ARF5: variants seen among roughly 807,000 people sequenced by gnomAD.
ARF5 encodes ARF GTPase 5.
Under a neutral mutation model 24.8 loss-of-function variants are expected in ARF5, and 10 were observed. That is an observed-to-expected ratio of 0.40 (90% CI 0.25 to 0.68). ARF5 has a LOEUF of 0.68. Among genes scored for constraint, ARF5 ranks in the 30% least tolerant of loss-of-function variants. The pLI is 0.36. For missense variants in ARF5, 135 were observed against 239.2 expected (o/e 0.56, Z 2.87); for synonymous variants, 102 against 95.1 (o/e 1.07, Z -0.42).
intron 3 of ARF5, 25 bp from the exon 4 acceptor site, chr7:127,590,041 C>T: frequency 6.2e-7 from 1 of 1,608,672 alleles, no homozygotes; most frequent in Non-Finnish European, 8.5e-7. Flanking sequence ...GATTGCTTCT[C>T]CTTTCTTCCT....
intron 4 of ARF5, 118 bp from the exon 5 acceptor site, chr7:127,590,845 A>T: frequency 7.4e-7 from 1 of 1,352,964 alleles, no homozygotes; most frequent in Non-Finnish European, 1.0e-6. Flanking sequence ...CTTGTCTTCA[A>T]CGGCAGACTG....
At position 127,589,217 on chromosome 7, in the gene ARF5, G is replaced by C; in HGVS notation, c.148+54G>C. 5.7e-6 allele frequency: 9 copies of C among 1,590,004 alleles called. No individual in the cohort carries two copies. The South Asian group carries it at 9.9e-5, about 18-fold the overall frequency. ...GAGCGCCGCGGCGGGCCCTCGCGGG[G>C]TCTGCTCCCAGTTCTGCCACTTTTC... On this transcript the variant is annotated intron_variant, in intron 2 of 5. Transcript: ENST00000000233.
Position 127,588,542 on chromosome 7 carries a change from A to G in ARF5, c.44A>G (p.Lys15Arg). ...VSALFSRIFGKKQMRILMVGL... is the reference protein window; with the variant it reads ...VSALFSRIFGRKQMRILMVGL... ...GCGCTCTTTTCGCGGATCTTCGGGA[A>G]GAAGCAGATGCGGATTCTCATGGGT... The change falls in exon 1 of 6, where the codon AAG (lysine) becomes AGG (arginine). Residue 15 changes from lysine to arginine, a missense_variant. Lys to Arg is a conservative substitution (Grantham distance 26). Around this residue, in one of 3 missense-constraint regions of ARF5, gnomAD observed 25 missense variants for 30.6 expected, o/e 0.82. Transcript: ENST00000000233. 1.4e-6 allele frequency: 2 copies of G among 1,464,046 alleles called. No individual in the cohort carries two copies. The highest frequency in any genetic ancestry group is 9.1e-7 in the Non-Finnish European group (1 of 1,095,880). 90.7% of individuals were successfully genotyped at this position (1,464,046 alleles called of 1,614,324 possible). A position where few individuals can be genotyped will look rare whatever the true frequency, so the allele number is the denominator to read the frequency against.
chr7:127,590,828 A>G lies in ARF5; in HGVS notation c.331-135A>G, dbSNP rs149376348. On this transcript the variant is annotated intron_variant, in intron 4 of 5. Transcript: ENST00000000233. ...TCAGGTCACCTCAAGCTCATTTACAACTATGTCTTGTCTTCAACGGCAGAC... is the reference window on the plus strand; with the variant it reads ...TCAGGTCACCTCAAGCTCATTTACAGCTATGTCTTGTCTTCAACGGCAGAC... The G allele has an allele frequency of 2.0e-4, 237 of 1,214,460 alleles. No individual in the cohort carries two copies. In the Middle Eastern group the frequency reaches 6.9e-3, roughly 35 times the overall value. 75.2% of individuals were successfully genotyped at this position (1,214,460 alleles called of 1,614,324 possible).
intron 4 of ARF5, 80 bp downstream of exon 4, chr7:127,590,217 C>A: frequency 8.4e-7 from 1 of 1,185,622 alleles, no homozygotes; most frequent in Non-Finnish European, 1.3e-6. Context: ...AGTCAGGGAG[C>A]CCCCAACAGG....
chr7:127,591,317 C>G lies in ARF5; in HGVS notation c.*18C>G. ...AGCGCTAACCAGCCAGGGGCAGGCC[C>G]CTGATGCCCGGAAGCTCCTGCGTGC... On this transcript the variant is annotated 3_prime_UTR_variant, in exon 6 of 6. Transcript: ENST00000000233. 6.4e-7 allele frequency: 1 copy of G among 1,569,170 alleles called. No homozygotes were observed. Among genetic ancestry groups the G allele is most frequent in the East Asian group, 2.3e-5 (1 of 44,420 alleles).
chr7:127,590,689 A>G (rs1794273583), intron 4 of ARF5, among the ~76,000 whole-genome samples: 1 of 152,180 alleles, frequency 6.6e-6, no homozygotes, highest in South Asian at 2.1e-4. Context: ...TGGGACTTAT[A>G]TGTGGCAAAG....
rs578033918 is a variant in ARF5, at chr7:127,591,538, C to G, written c.*239C>G. 3.5e-5 allele frequency: 17 copies of G among 479,338 alleles called. No individual in the cohort carries two copies. The highest frequency in any genetic ancestry group is 5.8e-5 in the Non-Finnish European group (16 of 274,428). 29.7% of individuals were successfully genotyped at this position (479,338 alleles called of 1,614,324 possible). ...GGGACCTATGGAAGGGGCTTCCTGG[C>G]CAAGGCCCCCTCTTCCAGAGGAGGA... On this transcript the variant is annotated 3_prime_UTR_variant, in exon 6 of 6. Transcript: ENST00000000233.
intron 3 of ARF5, 196 bp downstream of exon 3, chr7:127,589,790 G>A (rs1409863059): frequency 1.6e-6 from 1 of 611,126 alleles, no homozygotes; most frequent in East Asian, 2.7e-5. Flanking sequence ...CTCTTTAGAA[G>A]CAGGATTCTG....
At position 127,591,029 on chromosome 7, in the gene ARF5, G is replaced by A. The variant is rs201108741; in HGVS notation, c.397G>A (p.Ala133Thr). 10 of 1,614,110 alleles carry A rather than the reference G, an allele frequency of 6.2e-6. No homozygotes were observed. In the East Asian group the frequency reaches 1.3e-4, roughly 22 times the overall value. The change falls in exon 5 of 6, where the codon GCC becomes ACC. Residue 133 changes from alanine to threonine, a missense_variant. Transcript: ENST00000000233. ...VFANKQDMPN[A>T]MPVSELTDKL... ...TGCCAACAAGCAGGACATGCCCAAC[G>A]CCATGCCCGTGAGCGAGCTGACTGA...
At chr7:127,589,325 G>A (rs1390089941) in intron 2 of ARF5, among the ~76,000 whole-genome samples, 160 bp from the exon 3 acceptor site, 1 of 152,224 alleles carries the variant, frequency 6.6e-6, no homozygotes, top group Middle Eastern at 3.2e-3. Flanking sequence ...CAGGGTGGAT[G>A]TGACCTAGCC....
In ARF5 at chr7:127,591,094, G is replaced by T. The variant is rs777471318; in HGVS notation, c.456+6G>T. On this transcript the variant is annotated splice_donor_region_variant and intron_variant, in intron 5 of 5. Coordinates refer to ENST00000000233, the MANE Select transcript of ARF5 (RefSeq NM_001662.4). ...AGCACTTACGCAGCCGCACGGTAGG[G>T]GTCCTGCCCACCTGGTGCTGAATCC... 3 of 1,613,736 alleles carry T rather than the reference G, an allele frequency of 1.9e-6. No homozygotes were observed. Among genetic ancestry groups the T allele is most frequent in the East Asian group, 2.2e-5 (1 of 44,874 alleles).
rs1271039658 is a variant in ARF5 at position 127,590,197 on chromosome 7, G to A, written c.330+60G>A. 5 of 1,413,080 alleles carry A rather than the reference G, an allele frequency of 3.5e-6. No individual in the cohort carries two copies. In the African/African-American group the frequency reaches 4.2e-5, roughly 12 times the overall value. The allele number at this position is 1,413,080 out of a possible 1,614,324, so 87.5% of individuals were successfully genotyped here. A position where few individuals can be genotyped will look rare whatever the true frequency, so the allele number is the denominator to read the frequency against. Reference sequence around the variant, plus strand: ...GCTTGGGGACAGAGTGATCTCTGTAGTGGTATAGAAGTCAGGGAGCCCCCA... The same window carrying A: ...GCTTGGGGACAGAGTGATCTCTGTAATGGTATAGAAGTCAGGGAGCCCCCA... On this transcript the variant is annotated intron_variant, in intron 4 of 5. Coordinates refer to ENST00000000233, the MANE Select transcript of ARF5 (RefSeq NM_001662.4).
chr7:127,590,299 G>C (rs182941376), intron 4 of ARF5, among the ~76,000 whole-genome samples, 162 bp downstream of exon 4: 5 of 152,122 alleles, frequency 3.3e-5, no homozygotes, highest in Admixed American at 2.6e-4. Context: ...TTTTGGATGG[G>C]AGTGACTTTT....
At chr7:127,588,987 C>A in intron 1 of ARF5, 96 bp from the exon 2 acceptor site, 1 of 1,420,562 alleles carries the variant, frequency 7.0e-7, no homozygotes, top group Non-Finnish European at 9.9e-7. Context: ...CGCTCTCCGC[C>A]CCAGTCACCA....
chr7:127,588,568 G>T lies in ARF5; in HGVS notation c.67+3G>T. On this transcript the variant is annotated splice_donor_region_variant and intron_variant, in intron 1 of 5. Transcript: ENST00000000233. ...GAAGCAGATGCGGATTCTCATGGGT[G>T]AGGCAGATCGAGCGCGCGGCCCGGA... The T allele has an allele frequency of 1.4e-6, 2 of 1,416,058 alleles. No individual in the cohort carries two copies. Among genetic ancestry groups the T allele is most frequent in the South Asian group, 1.5e-5 (1 of 67,302 alleles). The allele number at this position is 1,416,058 out of a possible 1,614,324, so 87.7% of individuals were successfully genotyped here. A position where few individuals can be genotyped will look rare whatever the true frequency, so the allele number is the denominator to read the frequency against.
chr7:127,590,300 A>T (rs1794264538), intron 4 of ARF5, among the ~76,000 whole-genome samples, 163 bp downstream of exon 4: 1 of 150,934 alleles, frequency 6.6e-6, no homozygotes. Context: ...TTTGGATGGG[A>T]GTGACTTTTT....
intron 2 of ARF5, 102 bp downstream of exon 2, chr7:127,589,265 T>TA (rs1255419944): frequency 1.5e-6 from 2 of 1,365,132 alleles, no homozygotes; most frequent in South Asian, 1.2e-5. Context: ...TGACACCAGA[T>TA]ACAGCTATTT....
In ARF5 at chr7:127,589,076, G is replaced by T. The variant is rs768834874; in HGVS notation, c.68-7G>T. On this transcript the variant is annotated splice_polypyrimidine_tract_variant and splice_region_variant and intron_variant, in intron 1 of 5. Coordinates refer to ENST00000000233, the MANE Select transcript of ARF5 (RefSeq NM_001662.4). The stretch of plus-strand genomic sequence containing the variant: ...CATCTCCATCCCTGTGCCCCTTTCC[G>T]TTGCAGTTGGCTTGGATGCGGCTGG... 6.2e-7 allele frequency: 1 copy of T among 1,614,186 alleles called. No individual in the cohort carries two copies. Among genetic ancestry groups the T allele is most frequent in the Non-Finnish European group, 8.5e-7 (1 of 1,180,008 alleles).
Sources: gnomAD v4.1 joint callset for allele counts (sites outside exome capture counted in the v4.1 genomes callset) on GRCh38, gnomAD v4.1.1 for gene constraint, gnomAD v4.1.1 regional missense constraint, MANE v1.5 for transcripts, NCBI Gene and HGNC (gene_info 2026-07-23, HGNC 2026-07-21) for gene names.